Variants in HEXD observed in about 807,000 individuals in gnomAD.
HEXD encodes the protein N-acetyl-beta-galactosaminidase.
A neutral mutation model predicts 54.2 loss-of-function variants in HEXD; 47 were observed. The ratio of observed to expected loss-of-function variants is 0.87; its 90% CI spans 0.69 to 1.11. The LOEUF is 1.11. HEXD is among the 50% of genes least tolerant of loss of function. The pLI is 0.00. For synonymous variants in HEXD, 293 were observed against 287.6 expected (o/e 1.02, Z -0.19); for missense variants, 576 against 649.2 (o/e 0.89, Z 1.23).
rs777697877 is a variant in HEXD at position 82,442,418 on chromosome 17, G to A, written c.*34G>A. The A allele has an allele frequency of 1.9e-6, 3 of 1,609,908 alleles. No homozygotes were observed. Among genetic ancestry groups the A allele is most frequent in the Non-Finnish European group, 2.5e-6 (3 of 1,177,538 alleles). On this transcript the variant is annotated 3_prime_UTR_variant, in exon 13 of 13. Transcript: ENST00000327949. This position sits in a 1 kb window ranked among gnomAD's most constrained non-coding sequence, Gnocchi z 6.8. ...CTCATGCCAGGGGGCTCCTGCTGGA[G>A]GCTGGGGGGGCTCTGCACTGCCAAA... is the stretch of plus-strand genomic sequence containing the variant.
At chr17:82,426,814 C>G (rs2053428855) in intron 3 of HEXD, 1 of 151,656 alleles carries the variant, frequency 6.6e-6, no homozygotes. Flanking sequence ...TGGCAAAATC[C>G]TGTCTCTACC....
chr17:82,422,267 A>G (rs2053258058), intron 2 of HEXD, among the ~76,000 whole-genome samples: 1 of 152,198 alleles, frequency 6.6e-6, no homozygotes, highest in African/African-American at 2.4e-5. Context: ...ACTGTTCCAT[A>G]ATATTTCATA....
chr17:82,424,553 G>A (rs554195976), intron 3 of HEXD, 50 bp downstream of exon 3: 3 of 1,369,366 alleles, frequency 2.2e-6, no homozygotes, highest in Non-Finnish European at 3.1e-6. Context: ...AGCGGGGAAG[G>A]GGGGGTTCCG....
chr17:82,435,006 G>T (rs1313649776), intron 5 of HEXD, among the ~76,000 whole-genome samples: 3 of 151,872 alleles, frequency 2.0e-5, no homozygotes, highest in African/African-American at 4.8e-5. Flanking sequence ...TTAGCCAGGT[G>T]TGGTGGTGGG....
chr17:82,434,027 ACGCGTC>A lies in HEXD; in HGVS notation c.447+207_447+212del. 6.7e-6 allele frequency among the ~76,000 whole-genome samples: 1 copy of A among 150,146 alleles called. No individual in the cohort carries two copies. Among genetic ancestry groups the A allele is most frequent in the Non-Finnish European group, 1.5e-5 (1 of 67,492 alleles). On this transcript the variant is annotated intron_variant, in intron 5 of 12. Coordinates refer to ENST00000327949, the MANE Select transcript of HEXD (RefSeq NM_001330542.2). This position sits in a 1 kb window ranked among gnomAD's most constrained non-coding sequence, Gnocchi z 4.5. Reference sequence around the variant, plus strand: ...CCCGAGGGAGGCACCCTCGTGTCAGACGCGTCCAACATCTTCTCCGGGTGGATGGGC... The same window carrying A: ...CCCGAGGGAGGCACCCTCGTGTCAGACAACATCTTCTCCGGGTGGATGGGC...
chr17:82,435,612 G>A (rs1166298293), intron 5 of HEXD, 77 bp from the exon 6 acceptor site: 1 of 1,468,074 alleles, frequency 6.8e-7, no homozygotes, highest in Non-Finnish European at 9.3e-7. Flanking sequence ...TCTCCGTCAG[G>A]GCACGGCGTG....
At chr17:82,433,536 A>G in intron 4 of HEXD, 122 bp from the exon 5 acceptor site, 2 of 926,118 alleles carry the variant, frequency 2.2e-6, no homozygotes. Flanking sequence ...CAGGACTGAG[A>G]CTCTCTGCCT....
chr17:82,436,953 G>A, intron 7 of HEXD: 1 of 632,910 alleles, frequency 1.6e-6, no homozygotes, highest in South Asian at 1.9e-5. Flanking sequence ...TGTTTTCCTA[G>A]TGAGCAGGTG....
chr17:82,430,187 C>T (rs2053536845), intron 4 of HEXD, among the ~76,000 whole-genome samples: 1 of 152,226 alleles, frequency 6.6e-6, no homozygotes, highest in African/African-American at 2.4e-5. Context: ...CAAGTCACAG[C>T]ACAGCCCTGA....
intron 9 of HEXD, chr17:82,440,434 C>A: frequency 1.5e-6 from 1 of 688,934 alleles, no homozygotes; most frequent in Non-Finnish European, 2.1e-6. Flanking sequence ...CCCTGTACCC[C>A]ACACTAAAGA....
At chr17:82,424,344 T>TCGTG in intron 2 of HEXD, 50 bp from the exon 3 acceptor site, 1 of 1,244,370 alleles carries the variant, frequency 8.0e-7, no homozygotes, top group Non-Finnish European at 1.2e-6. Flanking sequence ...ACTTGCCACA[T>TCGTG]CGTGCTCCAG....
intron 5 of HEXD, 46 bp from the exon 6 acceptor site, chr17:82,435,643 G>C: frequency 6.4e-7 from 1 of 1,571,374 alleles, no homozygotes; most frequent in South Asian, 1.2e-5. Context: ...CCTCCCACCG[G>C]TGTGCACGGC....
intron 6 of HEXD, 108 bp from the exon 7 acceptor site, chr17:82,436,559 A>G: frequency 1.2e-6 from 1 of 855,394 alleles, no homozygotes; most frequent in South Asian, 1.6e-5. Context: ...GTCTGTCTTA[A>G]AAAGGTATCT....
At chr17:82,426,437 T>G (rs2053417298) in intron 3 of HEXD, 1 of 152,140 alleles carries the variant, frequency 6.6e-6, no homozygotes. Context: ...GTGGAATGTT[T>G]CACTTCAACC....
intron 4 of HEXD, among the ~76,000 whole-genome samples, chr17:82,433,114 ATATATATATATATATTTTTTTTTTTTTTT>A (rs1344223858): frequency 0.019 from 333 of 17,652 alleles, 26 homozygotes; most frequent in African/African-American, 0.13. Flanking sequence ...ATATATATAT[ATATATATATATATATTTTTTTTTTTTTTT>A]TATATATATA....
At chr17:82,426,832 A>T (rs1265059883) in intron 3 of HEXD, 1 of 151,300 alleles carries the variant, frequency 6.6e-6, no homozygotes, top group Non-Finnish European at 1.5e-5. Context: ...ACCAAAAAAA[A>T]TACAAAAATT....
chr17:82,424,489 C>T lies in HEXD; in HGVS notation c.180C>T (p.Ala60=). The T allele has an allele frequency of 1.2e-6, 2 of 1,611,892 alleles. No individual in the cohort carries two copies. The highest frequency in any genetic ancestry group is 1.7e-6 in the Non-Finnish European group (2 of 1,178,112). ...AGGGCCCTCTGAGGCTGCTGAGGGCCAAGTACGCCTACAGGTAACACTGCC... is the reference window on the plus strand; with the variant it reads ...AGGGCCCTCTGAGGCTGCTGAGGGCTAAGTACGCCTACAGGTAACACTGCC... ...PYEGPLRLLR[A]KYAYSPSEIK... The change falls in exon 3 of 13, where the codon GCC becomes GCT. Residue 60 remains alanine (A), a synonymous_variant. Coordinates refer to ENST00000327949, the MANE Select transcript of HEXD (RefSeq NM_001330542.2).
chr17:82,441,474 T>C (rs1567898989), intron 11 of HEXD, among the ~76,000 whole-genome samples: 1 of 109,874 alleles, frequency 9.1e-6, no homozygotes, highest in African/African-American at 3.8e-5. Flanking sequence ...CAGGTGTGGG[T>C]GAGGGGCAGG....
Position 82,418,388 on chromosome 17 carries a change from C to T in HEXD, c.-404C>T, listed in dbSNP as rs1408430821. ...TGGCCCTGTCCGCCGCCGCAGCGCGCGCCCTTCCCCTCCTCACCGCTACCT... is the reference window on the plus strand; with the variant it reads ...TGGCCCTGTCCGCCGCCGCAGCGCGTGCCCTTCCCCTCCTCACCGCTACCT... On this transcript the variant is annotated 5_prime_UTR_variant, in exon 1 of 13. Coordinates refer to ENST00000327949, the MANE Select transcript of HEXD (RefSeq NM_001330542.2). 4.8e-6 allele frequency: 7 copies of T among 1,460,446 alleles called. No individual in the cohort carries two copies. The South Asian group carries it at 6.3e-5, about 13-fold the overall frequency. 90.5% of individuals were successfully genotyped at this position (1,460,446 alleles called of 1,614,324 possible).
Sources: gnomAD v4.1 joint callset for allele counts (sites outside exome capture counted in the v4.1 genomes callset) on GRCh38, gnomAD v4.1.1 for gene constraint, Gnocchi (gnomAD v3.1) non-coding constraint, MANE v1.5 for transcripts, NCBI Gene and HGNC (gene_info 2026-07-23, HGNC 2026-07-21) for gene names.